Variants in FBXL18 observed in about 807,000 individuals in gnomAD.
FBXL18 encodes F-box/LRR-repeat protein 18.
FBXL18 carries 36 observed loss-of-function variants against 46.0 expected under a neutral mutation model. The observed-to-expected ratio is 0.78, with a 90% CI of 0.60 to 1.03. The LOEUF (loss-of-function observed/expected upper bound fraction) is 1.03. FBXL18 is among the 50% of genes least tolerant of loss of function. The pLI is 0.00. For synonymous variants in FBXL18, 557 were observed against 465.3 expected (o/e 1.20, Z -2.54); for missense variants, 977 against 1,004.1 (o/e 0.97, Z 0.36).
chr7:5,465,819 ATT>A (rs763542928), intron 4 of FBXL18, among the ~76,000 whole-genome samples: 6 of 142,170 alleles, frequency 4.2e-5, no homozygotes, highest in African/African-American at 2.6e-5. Flanking sequence ...TACCTCCTAA[ATT>A]TTTTTTTTTT....
intron 4 of FBXL18, among the ~76,000 whole-genome samples, chr7:5,464,071 C>G (rs922521601): frequency 6.6e-6 from 1 of 152,060 alleles, no homozygotes; most frequent in Non-Finnish European, 1.5e-5. Context: ...ACTGGCCGGG[C>G]GCGGTGACTC....
At chr7:5,472,424 G>C (rs1046330511), downstream of FBXL18, among the ~76,000 whole-genome samples, 4 of 152,182 alleles carry the variant, frequency 2.6e-5, no homozygotes, top group Non-Finnish European at 4.4e-5. Context: ...GCCAGGGCCC[G>C]TCCTTCTGGT....
intron 3 of FBXL18, among the ~76,000 whole-genome samples, chr7:5,491,944 C>T (rs970324992): frequency 2.6e-5 from 4 of 151,198 alleles, no homozygotes; most frequent in African/African-American, 9.7e-5. Context: ...AGGGAGAGGG[C>T]GAGAATCTGG....
rs572242456 is a variant in FBXL18 at position 5,461,286 on chromosome 7, G to T, written c.2001-13443C>A. On this transcript the variant is annotated intron_variant and NMD_transcript_variant, in intron 4 of 6. Transcript: ENST00000415009. ...AATCGGCTGCATTTTCTTCCTTCCA[G>T]CCAGGCACGGTGGCTTCTACCTGTA... 3.3e-5 allele frequency among the ~76,000 whole-genome samples: 5 copies of T among 152,346 alleles called. 1 individual carries two copies. In the South Asian group the frequency reaches 1.0e-3, roughly 32 times the overall value.
chr7:5,474,248 C>A (rs543675075), downstream of FBXL18, among the ~76,000 whole-genome samples: 14 of 150,538 alleles, frequency 9.3e-5, no homozygotes, highest in Non-Finnish European at 8.8e-5. Context: ...GTTCTAGAAG[C>A]GGATGGTGAT....
rs1562684850 is a variant in FBXL18, at chr7:5,481,904, G to A, written c.2028C>T (p.Asn676=). The A allele has an allele frequency of 1.9e-6, 3 of 1,611,486 alleles. No individual in the cohort carries two copies. The highest frequency in any genetic ancestry group is 1.1e-5 in the South Asian group (1 of 90,916). The change falls in exon 5 of 5, where the codon AAC becomes AAT. Residue 676 remains asparagine (N), a synonymous_variant. Transcript: ENST00000382368. ...CGTGGAGCAGAGGGAAGATGACGACGTTTAACGCGGGCCGCTCGGCCTGGA... is the reference window on the plus strand; with the variant it reads ...CGTGGAGCAGAGGGAAGATGACGACATTTAACGCGGGCCGCTCGGCCTGGA... The part of the protein sequence containing the change: ...RSFQAERPAL[N]VVIFPLLHEG...
chr7:5,490,137 T>A, intron 4 of FBXL18: 1 of 1,360,316 alleles, frequency 7.4e-7, no homozygotes, highest in Non-Finnish European at 9.8e-7. Flanking sequence ...GCCCAGTGGC[T>A]CGAGACGTCC....
At chr7:5,499,184 C>A (rs1197326131) in intron 3 of FBXL18, among the ~76,000 whole-genome samples, 1 of 152,180 alleles carries the variant, frequency 6.6e-6, no homozygotes, top group Non-Finnish European at 1.5e-5. Flanking sequence ...CCTCTCCTGT[C>A]TCCTCCATCC....
intron 3 of FBXL18, 134 bp from the exon 4 acceptor site, chr7:5,491,583 A>G: frequency 2.8e-6 from 2 of 719,838 alleles, no homozygotes; most frequent in Non-Finnish European, 2.3e-6. Context: ...ACCTCCCACC[A>G]ATACCACTAT....
intron 3 of FBXL18, among the ~76,000 whole-genome samples, chr7:5,491,897 T>C (rs1783936583): frequency 6.6e-6 from 1 of 151,054 alleles, no homozygotes; most frequent in Middle Eastern, 3.4e-3. Flanking sequence ...CTGAACACCA[T>C]GAGAGAGGGC....
chr7:5,498,727 C>T (rs745823469), intron 3 of FBXL18, among the ~76,000 whole-genome samples: 4 of 152,284 alleles, frequency 2.6e-5, no homozygotes, highest in Non-Finnish European at 4.4e-5. Flanking sequence ...CCTGCTCCCA[C>T]GCCCCGCTAA....
Position 5,500,777 on chromosome 7 carries a change from C to A in FBXL18, c.1492G>T (p.Ala498Ser). The A allele has an allele frequency of 6.2e-7, 1 of 1,612,492 alleles. No homozygotes were observed. The highest frequency in any genetic ancestry group is 8.5e-7 in the Non-Finnish European group (1 of 1,179,752). Residue 498 changes from alanine (A) to serine (S), a missense_variant, in exon 3 of 5, where the codon GCC becomes TCC. Transcript: ENST00000382368. Reference sequence around the variant, plus strand: ...ATGGCGGGCTCGTTGCGGGGCATGGCGGAGGAGAAGTTGGACCCAATCAGC... The same window carrying A: ...ATGGCGGGCTCGTTGCGGGGCATGGAGGAGGAGAAGTTGGACCCAATCAGC... Reference protein sequence around the residue: ...LELIGSNFSSAMPRNEPAIRN... With the variant: ...LELIGSNFSSSMPRNEPAIRN...
Position 5,513,330 on chromosome 7 carries a change from G to A in FBXL18, c.18+327C>T, listed in dbSNP as rs1784589155. Among the ~76,000 whole-genome samples the A allele has an allele frequency of 8.5e-5, 13 of 152,058 alleles. No individual in the cohort carries two copies. In the South Asian group the frequency reaches 2.5e-3, roughly 29 times the overall value. ...GGGGGAATGTCCCAGGGCTGCAGGG[G>A]CCCAGCCAAGGAACCGGGGCACTGA... On this transcript the variant is annotated intron_variant, in intron 1 of 4. Transcript: ENST00000382368.
At position 5,500,742 on chromosome 7, in the gene FBXL18, C is replaced by T. The variant is rs747948745; in HGVS notation, c.1527G>A (p.Ser509=). 1.2e-6 allele frequency: 2 copies of T among 1,612,360 alleles called. No homozygotes were observed. Among genetic ancestry groups the T allele is most frequent in the Admixed American group, 1.7e-5 (1 of 59,938 alleles). Residue 509 remains serine, a synonymous_variant, in exon 3 of 5, where the codon TCG becomes TCA. Transcript: ENST00000382368. ...MPRNEPAIRN[S]LPPCSRAQSV... is the part of the protein sequence containing the mutation. ...TCTGTGCGCGGCTGCAGGGTGGGAG[C>T]GAGTTGCGGATGGCGGGCTCGTTGC...
At chr7:5,464,770 A>AC (rs1488836118) in intron 4 of FBXL18, among the ~76,000 whole-genome samples, 71 of 150,762 alleles carry the variant, frequency 4.7e-4, no homozygotes, top group African/African-American at 1.6e-3. Context: ...TAAAAAAAAA[A>AC]AAACTACCAG....
chr7:5,456,116 C>G (rs948035285), intron 4 of FBXL18, among the ~76,000 whole-genome samples: 4 of 151,696 alleles, frequency 2.6e-5, no homozygotes, highest in Non-Finnish European at 4.4e-5. Flanking sequence ...CTGCTCCCAC[C>G]TAACGTCATC....
chr7:5,498,115 C>T (rs1255696123), intron 3 of FBXL18, among the ~76,000 whole-genome samples: 1 of 144,520 alleles, frequency 6.9e-6, no homozygotes, highest in African/African-American at 2.6e-5. Context: ...GAGTCTCACT[C>T]TGTCACCCAT....
chr7:5,507,879 T>C (rs1400671084), intron 1 of FBXL18, among the ~76,000 whole-genome samples: 1 of 150,878 alleles, frequency 6.6e-6, no homozygotes, highest in Non-Finnish European at 1.5e-5. Flanking sequence ...CTCACACCTG[T>C]AATCCCAGCA....
At chr7:5,505,338 C>T in intron 2 of FBXL18, 74 bp downstream of exon 2, 2 of 1,381,640 alleles carry the variant, frequency 1.4e-6, no homozygotes, top group Non-Finnish European at 1.0e-6. Flanking sequence ...CAGGGTTCCA[C>T]TGCAGGGCTG....
Sources: gnomAD v4.1 joint callset for allele counts (sites outside exome capture counted in the v4.1 genomes callset) on GRCh38, gnomAD v4.1.1 for gene constraint, MANE v1.5 for transcripts, NCBI Gene and HGNC (gene_info 2026-07-23, HGNC 2026-07-21) for gene names.